TRIM62: variants seen among roughly 807,000 people sequenced by gnomAD.
TRIM62 encodes E3 ubiquitin-protein ligase TRIM62.
A neutral mutation model predicts 44.2 loss-of-function variants in TRIM62; 39 were observed. The ratio of observed to expected loss-of-function variants is 0.88; its 90% CI spans 0.68 to 1.15. The LOEUF (loss-of-function observed/expected upper bound fraction) is 1.15. TRIM62 is among the 50% of genes most tolerant of loss of function. TRIM62 has a pLI of 0.00. For missense variants in TRIM62, 544 were observed against 665.5 expected (o/e 0.82, Z 2.01); for synonymous variants, 278 against 292.3 (o/e 0.95, Z 0.50).
intron 4 of TRIM62, among the ~76,000 whole-genome samples, chr1:33,148,340 T>A (rs538965990): frequency 9.3e-4 from 142 of 152,220 alleles, no homozygotes; most frequent in African/African-American, 3.3e-3. Flanking sequence ...AAACATGAAA[T>A]TTTTTTTGCA....
intron 4 of TRIM62, among the ~76,000 whole-genome samples, chr1:33,157,428 C>T (rs534974630): frequency 2.6e-5 from 4 of 152,160 alleles, no homozygotes; most frequent in African/African-American, 4.8e-5. Flanking sequence ...CTTCTCAGTG[C>T]GGGCTGGTTC....
chr1:33,151,565 TC>T (rs1308722180), intron 4 of TRIM62, among the ~76,000 whole-genome samples: 6 of 152,090 alleles, frequency 3.9e-5, no homozygotes, highest in Non-Finnish European at 8.8e-5. Context: ...CCTCCATCTG[TC>T]CCTCATCCCC....
intron 4 of TRIM62, among the ~76,000 whole-genome samples, chr1:33,153,548 G>C (rs938288032): frequency 9.2e-5 from 14 of 152,214 alleles, no homozygotes; most frequent in Admixed American, 2.0e-4. Flanking sequence ...GCACAGAGCG[G>C]GGCCCTGCAA....
intron 1 of TRIM62, among the ~76,000 whole-genome samples, chr1:33,170,806 C>G (rs1429354716): frequency 6.6e-6 from 1 of 151,830 alleles, no homozygotes; most frequent in Admixed American, 6.7e-5. Flanking sequence ...CACCTAACCT[C>G]TCTGTGCCCC....
intron 1 of TRIM62, among the ~76,000 whole-genome samples, chr1:33,180,749 C>A (rs1455983354): frequency 6.6e-6 from 1 of 152,256 alleles, no homozygotes; most frequent in Non-Finnish European, 1.5e-5. Context: ...GCATCCCCGA[C>A]TTCTCCCTAA....
intron 1 of TRIM62, among the ~76,000 whole-genome samples, chr1:33,168,085 T>C (rs1312285436): frequency 6.6e-6 from 1 of 152,020 alleles, no homozygotes; most frequent in Non-Finnish European, 1.5e-5. Context: ...GAGGGGACTT[T>C]AGGTAGGGTG....
chr1:33,180,940 C>T (rs1645456256), intron 1 of TRIM62, 85 bp downstream of exon 1: 1 of 918,462 alleles, frequency 1.1e-6, no homozygotes, highest in South Asian at 1.5e-5. Flanking sequence ...GGGCCTGGCC[C>T]GCGGTCCAGC....
Position 33,161,655 on chromosome 1 carries a change from C to T in TRIM62, c.505-1711G>A, listed in dbSNP as rs532830483. Among the ~76,000 whole-genome samples, 4 of 152,124 alleles carry T rather than the reference C, an allele frequency of 2.6e-5. No homozygotes were observed. Among genetic ancestry groups the T allele is most frequent in the Admixed American group, 6.5e-5 (1 of 15,280 alleles). On this transcript the variant is annotated intron_variant, in intron 2 of 4. Coordinates refer to ENST00000291416, the MANE Select transcript of TRIM62 (RefSeq NM_018207.3). The surrounding 1 kb of genome is among the most constrained non-coding windows in gnomAD (Gnocchi z 4.3). ...CCGTGGCCTTCCTGAGCCCCCTCAC[C>T]CGGGGAGGGTGGAGGCCTCTGCAGC... is the stretch of plus-strand genomic sequence containing the variant.
At chr1:33,164,893 C>G (rs1645312446) in intron 2 of TRIM62, 1 of 152,148 alleles carries the variant, frequency 6.6e-6, no homozygotes, top group African/African-American at 2.4e-5. Context: ...ATCTTCCCAT[C>G]TGTCTCAGTC....
chr1:33,174,786 G>T (rs1292661351), intron 1 of TRIM62, among the ~76,000 whole-genome samples: 1 of 152,010 alleles, frequency 6.6e-6, no homozygotes, highest in Non-Finnish European at 1.5e-5. Flanking sequence ...CAGTTTATGG[G>T]CCTATCTTTC....
At position 33,147,603 on chromosome 1, in the gene TRIM62, G is replaced by A. The variant is rs116623742; in HGVS notation, c.1002C>T (p.Phe334=). 1.1e-4 allele frequency: 184 copies of A among 1,614,106 alleles called. No individual in the cohort carries two copies. The African/African-American group carries it at 2.3e-3, about 20-fold the overall frequency. ...AACCCAGCACCGACACCTCCACATCGAAGCGCTTTGGCGAGTCCTGCAGTG... is the reference window on the plus strand; with the variant it reads ...AACCCAGCACCGACACCTCCACATCAAAGCGCTTTGGCGAGTCCTGCAGTG... The part of the protein sequence containing the change: ...PQPLQDSPKR[F]DVEVSVLGSE... Residue 334 remains phenylalanine (F), a synonymous_variant, in exon 5 of 5, where the codon TTC becomes TTT. Transcript: ENST00000291416. This position sits in a 1 kb window ranked among gnomAD's most constrained non-coding sequence, Gnocchi z 8.1.
chr1:33,159,967 G>A lies in TRIM62; in HGVS notation c.505-23C>T, dbSNP rs767894535. ...AGACTGTGGGGGACAGTCGTCAGGG[G>A]TTATGGCTGGGGGAGCAGATGGGGT... On this transcript the variant is annotated intron_variant, in intron 2 of 4. Transcript: ENST00000291416. This position sits in a 1 kb window ranked among gnomAD's most constrained non-coding sequence, Gnocchi z 4.2. 82 of 1,591,852 alleles carry A rather than the reference G, an allele frequency of 5.2e-5. No homozygotes were observed. Among genetic ancestry groups the A allele is most frequent in the Non-Finnish European group, 6.7e-5 (78 of 1,172,426 alleles).
At position 33,165,183 on chromosome 1, in the gene TRIM62, C is replaced by T. The variant is rs1645315436; in HGVS notation, c.504+288G>A. The T allele has an allele frequency of 3.2e-6, 1 of 315,964 alleles. No individual in the cohort carries two copies. The highest frequency in any genetic ancestry group is 5.3e-5 in the South Asian group (1 of 18,710). 19.6% of individuals were successfully genotyped at this position (315,964 alleles called of 1,614,324 possible). On this transcript the variant is annotated intron_variant, in intron 2 of 4. Coordinates refer to ENST00000291416, the MANE Select transcript of TRIM62 (RefSeq NM_018207.3). The surrounding 1 kb of genome is among the most constrained non-coding windows in gnomAD (Gnocchi z 4.0). ...GGGGTTTCCGGAGGGTCCCGGGACC[C>T]GCCTCAACTTCCACCCAAAGTGGGA... is the stretch of plus-strand genomic sequence containing the variant.
At chr1:33,156,023 C>T (rs576186848) in intron 4 of TRIM62, among the ~76,000 whole-genome samples, 1 of 152,338 alleles carries the variant, frequency 6.6e-6, no homozygotes, top group African/African-American at 2.4e-5. Flanking sequence ...GCCCCACTGG[C>T]TTTGGTGCCC....
At position 33,151,337 on chromosome 1, in the gene TRIM62, C is replaced by G. The variant is rs546794007; in HGVS notation, c.878-3610G>C. On this transcript the variant is annotated intron_variant, in intron 4 of 4. Transcript: ENST00000291416. ...TCTCTTAGGCGGGGGTGTGGCCTGACTCTTAGGAGACTTCTATACCCCAAG... is the reference window on the plus strand; with the variant it reads ...TCTCTTAGGCGGGGGTGTGGCCTGAGTCTTAGGAGACTTCTATACCCCAAG... 8.5e-5 allele frequency among the ~76,000 whole-genome samples: 13 copies of G among 152,182 alleles called. No homozygotes were observed. In the East Asian group the frequency reaches 2.5e-3, roughly 29 times the overall value.
At position 33,156,493 on chromosome 1, in the gene TRIM62, C is replaced by T. The variant is rs57583568; in HGVS notation, c.877+1760G>A. Among the ~76,000 whole-genome samples, 899 of 152,314 alleles carry T rather than the reference C, an allele frequency of 5.9e-3. 17 individuals carry two copies. Among genetic ancestry groups the T allele is most frequent in the African/African-American group, 0.02 (851 of 41,564 alleles). ...CCTGGAAATGCTTCCTCCAGGCTTC[C>T]AGGACATACCTGGGTTGCCCTCCTA... On this transcript the variant is annotated intron_variant, in intron 4 of 4. Coordinates refer to ENST00000291416, the MANE Select transcript of TRIM62 (RefSeq NM_018207.3).
chr1:33,179,213 G>A (rs780806736), intron 1 of TRIM62, among the ~76,000 whole-genome samples: 20 of 152,260 alleles, frequency 1.3e-4, no homozygotes, highest in Non-Finnish European at 2.6e-4. Flanking sequence ...TGGCTCTGGG[G>A]GTGGAGGGCC....
Position 33,159,734 on chromosome 1 carries a change from T to C in TRIM62, c.715A>G (p.Thr239Ala), listed in dbSNP as rs777799468. ...AQILQERLAETDRHTFLAGVA... is the reference protein window; with the variant it reads ...AQILQERLAEADRHTFLAGVA... Reference sequence around the variant, plus strand: ...CCAGCCAGGAAGGTGTGCCGGTCGGTTTCAGCCAGCCGCTCCTGCAGGATC... The same window carrying C: ...CCAGCCAGGAAGGTGTGCCGGTCGGCTTCAGCCAGCCGCTCCTGCAGGATC... The change falls in exon 3 of 5, where the codon ACC (threonine) becomes GCC (alanine). Residue 239 changes from threonine (T) to alanine (A), a missense_variant. By Grantham distance (58) the Thr-to-Ala change is moderately conservative. Coordinates refer to ENST00000291416, the MANE Select transcript of TRIM62 (RefSeq NM_018207.3). This position sits in a 1 kb window ranked among gnomAD's most constrained non-coding sequence, Gnocchi z 4.2. The C allele has an allele frequency of 5.0e-6, 8 of 1,612,454 alleles. No homozygotes were observed. The Admixed American group carries it at 1.2e-4, about 24-fold the overall frequency.
chr1:33,154,436 TTC>T lies in TRIM62; in HGVS notation c.877+3815_877+3816del, dbSNP rs527683678. Among the ~76,000 whole-genome samples the T allele has an allele frequency of 2.8e-3, 433 of 152,308 alleles. 1 individual carries two copies. The highest frequency in any genetic ancestry group is 4.8e-3 in the Non-Finnish European group (328 of 68,020). On this transcript the variant is annotated intron_variant, in intron 4 of 4. Transcript: ENST00000291416. ...GGATCTGGGGCCTGCCAGCTTCTCATTCTCTCTTCCATTATCTTGCTCAGCTA... is the reference window on the plus strand; with the variant it reads ...GGATCTGGGGCCTGCCAGCTTCTCATTCTCTTCCATTATCTTGCTCAGCTA...
Sources: gnomAD v4.1 joint callset for allele counts (sites outside exome capture counted in the v4.1 genomes callset) on GRCh38, gnomAD v4.1.1 for gene constraint, Gnocchi (gnomAD v3.1) non-coding constraint, MANE v1.5 for transcripts, NCBI Gene and HGNC (gene_info 2026-07-23, HGNC 2026-07-21) for gene names.